The following STYXL1 variants were observed in gnomAD, a reference collection of about 807,000 sequenced individuals.
The protein encoded by STYXL1 is serine/threonine/tyrosine interacting like 1.
A neutral mutation model predicts 36.4 loss-of-function variants in STYXL1; 32 were observed. The ratio of observed to expected loss-of-function variants is 0.88; its 90% confidence interval spans 0.66 to 1.18. The LOEUF (loss-of-function observed/expected upper bound fraction) is 1.18. Among genes scored for constraint, STYXL1 ranks in the 50% most tolerant of loss-of-function variants. The pLI, the probability that STYXL1 is intolerant of heterozygous loss-of-function variation, is 0.00. For synonymous variants in STYXL1, 133 were observed against 144.1 expected (o/e 0.92, Z 0.55); for missense variants, 354 against 394.1 (o/e 0.90, Z 0.86).
At chr7:76,012,852 A>T (rs1306734839) in intron 5 of STYXL1, among the ~76,000 whole-genome samples, 2 of 152,062 alleles carry the variant, frequency 1.3e-5, no homozygotes, top group African/African-American at 4.8e-5. Context: ...ACTTTTGTGT[A>T]TTTTTGTATC....
chr7:76,015,699 T>G (rs1298926683), intron 4 of STYXL1, among the ~76,000 whole-genome samples: 4 of 152,180 alleles, frequency 2.6e-5, no homozygotes, highest in Admixed American at 2.6e-4. Context: ...TGGTTAATAC[T>G]GAGTGTCAAC....
At chr7:76,018,349 G>T (rs1554574651) in intron 4 of STYXL1, among the ~76,000 whole-genome samples, 3 of 151,736 alleles carry the variant, frequency 2.0e-5, no homozygotes, top group African/African-American at 7.3e-5. Context: ...CACTTACCAT[G>T]ATCTCTTTAG....
At chr7:76,036,657 T>TA (rs1325796393) in intron 1 of STYXL1, among the ~76,000 whole-genome samples, 1 of 147,684 alleles carries the variant, frequency 6.8e-6, no homozygotes, top group East Asian at 1.9e-4. Context: ...GAATTTTTTT[T>TA]TTTTTTTGAG....
intron 1 of STYXL1, among the ~76,000 whole-genome samples, chr7:76,046,274 C>CTTTGTGTGTG (rs1451331977): frequency 4.8e-5 from 5 of 103,162 alleles, no homozygotes; most frequent in East Asian, 3.0e-4. Context: ...AGCTTATCTG[C>CTTTGTGTGTG]TGTGTGTGTG....
rs1288142382 is a variant in STYXL1, at chr7:76,021,108, C to T, written c.307+743G>A. Among the ~76,000 whole-genome samples, 9 of 147,914 alleles carry T rather than the reference C, an allele frequency of 6.1e-5. No individual in the cohort carries two copies. The South Asian group carries it at 1.3e-3, about 21-fold the overall frequency. ...TTTTTTTTTTTTTGAGAAGGAGTCT[C>T]GCTCTGTCGCCCAGGCTGGAGTGCA... On this transcript the variant is annotated intron_variant, in intron 4 of 8. Coordinates refer to ENST00000359697, the MANE Select transcript of STYXL1 (RefSeq NM_001317785.2).
In STYXL1 at chr7:76,017,866, CAA is replaced by C. The variant is rs71082374; in HGVS notation, c.308-3981_308-3980del. Among the ~76,000 whole-genome samples the C allele has an allele frequency of 1.8e-3, 19 of 10,362 alleles. 1 individual carries two copies. Among genetic ancestry groups the C allele is most frequent in the Admixed American group, 9.4e-3 (4 of 424 alleles). 6.8% of individuals were successfully genotyped at this position (10,362 alleles called of 152,430 possible). On this transcript the variant is annotated intron_variant, in intron 4 of 8. Transcript: ENST00000359697. Reference sequence around the variant, plus strand: ...GGGCAACAAGAGCAAAACTCCATCTCAAAAAAAAAAAAAAAGGCAAGACAGAA... The same window carrying C: ...GGGCAACAAGAGCAAAACTCCATCTCAAAAAAAAAAAAAGGCAAGACAGAA...
intron 1 of STYXL1, among the ~76,000 whole-genome samples, chr7:76,040,204 C>T (rs1411627811): frequency 1.3e-5 from 2 of 152,204 alleles, no homozygotes; most frequent in Non-Finnish European, 2.9e-5. Context: ...TGACCACCAC[C>T]TTTGGCTCAC....
At chr7:76,031,750 G>A (rs1261431893) in intron 1 of STYXL1, among the ~76,000 whole-genome samples, 6 of 151,160 alleles carry the variant, frequency 4.0e-5, no homozygotes, top group Non-Finnish European at 8.8e-5. Context: ...AATGTGGGCA[G>A]AGAATAAAAT....
intron 7 of STYXL1, 33 bp from the exon 8 acceptor site, chr7:76,001,035 T>C (rs782252870): frequency 6.5e-7 from 1 of 1,547,402 alleles, no homozygotes; most frequent in Non-Finnish European, 8.9e-7. Context: ...GGGTCATGCC[T>C]GGCCCTCCTC....
rs781965428 is a variant in STYXL1 at position 76,003,820 on chromosome 7, C to T, written c.635G>A (p.Arg212Gln). ...CTGGGCTTCCGGGGAATCTTCTATCCGGATGTGCAGAAGCTTGTCAGCATC... is the reference window on the plus strand; with the variant it reads ...CTGGGCTTCCGGGGAATCTTCTATCTGGATGTGCAGAAGCTTGTCAGCATC... The part of the protein sequence containing the change: ...AGDADKLLHI[R>Q]IEDSPEAQIL... The change falls in exon 7 of 9, where the codon CGG becomes CAG. Residue 212 changes from arginine to glutamine, a missense_variant. Arg to Gln is a conservative substitution (Grantham distance 43, BLOSUM62 1). Transcript: ENST00000359697. The T allele has an allele frequency of 1.9e-5, 31 of 1,614,056 alleles. No individual in the cohort carries two copies. The highest frequency in any genetic ancestry group is 1.6e-4 in the Middle Eastern group (1 of 6,082).
At chr7:76,041,430 C>T (rs1585350793) in intron 1 of STYXL1, among the ~76,000 whole-genome samples, 1 of 152,138 alleles carries the variant, frequency 6.6e-6, no homozygotes, top group East Asian at 1.9e-4. Context: ...AAGGCTTGGT[C>T]CCCAATGTGG....
intron 3 of STYXL1, among the ~76,000 whole-genome samples, chr7:76,023,592 GA>G (rs1421307067): frequency 3.6e-4 from 55 of 151,940 alleles, no homozygotes; most frequent in Non-Finnish European, 4.1e-4. Context: ...CCGGGTGTGG[GA>G]GGGTGCACAT....
chr7:76,018,577 G>C (rs560052653), intron 4 of STYXL1, among the ~76,000 whole-genome samples: 1 of 152,100 alleles, frequency 6.6e-6, no homozygotes, highest in African/African-American at 2.4e-5. Flanking sequence ...TTTTAATAGA[G>C]ATGGGGTTTC....
chr7:76,027,680 T>A (rs963989406), intron 3 of STYXL1, among the ~76,000 whole-genome samples: 1 of 151,160 alleles, frequency 6.6e-6, no homozygotes, highest in African/African-American at 2.4e-5. Flanking sequence ...AAACAACACA[T>A]AAAAACAGAA....
chr7:76,005,457 G>C, intron 5 of STYXL1, 53 bp from the exon 6 acceptor site: 1 of 1,513,244 alleles, frequency 6.6e-7, no homozygotes, highest in East Asian at 2.3e-5. Flanking sequence ...AGGGAAGAGG[G>C]ATGTCTATCT....
At position 76,013,787 on chromosome 7, in the gene STYXL1, G is replaced by A. The variant is rs1792905598; in HGVS notation, c.408C>T (p.Gly136=). The A allele has an allele frequency of 6.2e-7, 1 of 1,613,868 alleles. No individual in the cohort carries two copies. The highest frequency in any genetic ancestry group is 1.3e-5 in the African/African-American group (1 of 74,890). Residue 136 remains glycine (G), a synonymous_variant, in exon 5 of 9, where the codon GGC becomes GGT. Coordinates refer to ENST00000359697, the MANE Select transcript of STYXL1 (RefSeq NM_001317785.2). ...ILKGGYERFS[G]TYHFLRTQKI... ...TCTGGGTCCGGAGAAAGTGGTACGT[G>A]CCTGAGAAGCGCTCATAGCCCCCTT... is the stretch of plus-strand genomic sequence containing the variant.
chr7:76,029,726 A>G (rs1209257280), intron 2 of STYXL1, among the ~76,000 whole-genome samples: 1 of 152,194 alleles, frequency 6.6e-6, no homozygotes, highest in Non-Finnish European at 1.5e-5. Flanking sequence ...GTGACAGATC[A>G]TCAGGCATTA....
intron 4 of STYXL1, among the ~76,000 whole-genome samples, chr7:76,017,331 G>A (rs1273855534): frequency 2.0e-5 from 3 of 151,894 alleles, no homozygotes; most frequent in Non-Finnish European, 2.9e-5. Flanking sequence ...CCCCAGATTG[G>A]ATTTTTTAAA....
intron 1 of STYXL1, among the ~76,000 whole-genome samples, chr7:76,034,360 T>G (rs552815902): frequency 6.6e-6 from 1 of 152,196 alleles, no homozygotes; most frequent in Admixed American, 6.5e-5. Flanking sequence ...CTGCTCTGTA[T>G]CAAAGTCATC....
Sources: allele counts gnomAD v4.1 joint callset (sites outside exome capture counted in the v4.1 genomes callset), GRCh38; gene constraint gnomAD v4.1.1; transcripts MANE v1.5; gene names NCBI Gene and HGNC (gene_info 2026-07-23, HGNC 2026-07-21).